The following ENTPD4 variants were observed in gnomAD, a reference collection of about 807,000 sequenced individuals.
ENTPD4 encodes the protein ectonucleoside triphosphate diphosphohydrolase 4.
Under a neutral mutation model 79.1 loss-of-function variants are expected in ENTPD4, and 60 were observed. That is an observed-to-expected ratio of 0.76 (90% CI 0.62 to 0.94). The LOEUF is 0.94. Ranked by LOEUF, ENTPD4 falls within the 40% of genes least tolerant of loss-of-function variation. ENTPD4 has a pLI of 0.00. For missense variants in ENTPD4, 772 were observed against 775.1 expected (o/e 1.00, Z 0.05); for synonymous variants, 276 against 292.0 (o/e 0.95, Z 0.56).
At position 23,430,777 on chromosome 8, in the gene ENTPD4, C is replaced by T; in HGVS notation, c.*2149G>A. The T allele has an allele frequency of 1.0e-6, 1 of 985,692 alleles. No homozygotes were observed. The highest frequency in any genetic ancestry group is 1.2e-6 in the Non-Finnish European group (1 of 830,148). The allele number at this position is 985,692 out of a possible 1,614,324, so 61.1% of individuals were successfully genotyped here. On this transcript the variant is annotated 3_prime_UTR_variant, in exon 13 of 13. Transcript: ENST00000358689. ...CACTTCAACCATTTGTGGCCCCTTCCTTTCCTTTCTTCCCTCTCTGCTGCT... is the reference window on the plus strand; with the variant it reads ...CACTTCAACCATTTGTGGCCCCTTCTTTTCCTTTCTTCCCTCTCTGCTGCT...
chr8:23,441,150 G>T (rs776555964), intron 8 of ENTPD4, among the ~76,000 whole-genome samples: 114 of 152,178 alleles, frequency 7.5e-4, no homozygotes, highest in Non-Finnish European at 1.5e-3. Context: ...AGATGTGGAA[G>T]CAGTGGATAC....
At position 23,432,390 on chromosome 8, in the gene ENTPD4, T is replaced by C; in HGVS notation, c.*536A>G. 1 of 985,720 alleles carries C rather than the reference T, an allele frequency of 1.0e-6. No homozygotes were observed. The highest frequency in any genetic ancestry group is 1.2e-6 in the Non-Finnish European group (1 of 830,186). 61.1% of individuals were successfully genotyped at this position (985,720 alleles called of 1,614,324 possible). ...AGAAATCTCATTTATTTTTGGCAGATATCCTGTGCAGCAAAAATCAAGTGA... is the reference window on the plus strand; with the variant it reads ...AGAAATCTCATTTATTTTTGGCAGACATCCTGTGCAGCAAAAATCAAGTGA... On this transcript the variant is annotated 3_prime_UTR_variant, in exon 13 of 13. Coordinates refer to ENST00000358689, the MANE Select transcript of ENTPD4 (RefSeq NM_004901.5).
At chr8:23,441,382 T>A in intron 8 of ENTPD4, 187 bp downstream of exon 8, 1 of 984,474 alleles carries the variant, frequency 1.0e-6, no homozygotes, top group Non-Finnish European at 1.2e-6. Context: ...CTGATTTCAA[T>A]GAACACACAC....
intron 6 of ENTPD4, among the ~76,000 whole-genome samples, 190 bp from the exon 7 acceptor site, chr8:23,442,256 G>A (rs1264456600): frequency 2.0e-5 from 3 of 151,864 alleles, no homozygotes; most frequent in Non-Finnish European, 4.4e-5. Flanking sequence ...CAACTTTAAT[G>A]TTTATAGTTT....
Position 23,433,025 on chromosome 8 carries a change from C to T in ENTPD4, c.1752G>A (p.Arg584=), listed in dbSNP as rs747293465. ...VLLAILLYLL[R]LRRIHRRTPR... ...GAGTGCGCCTGTGGATGCGCCGCAG[C>T]CGCAGCAGGTACAGCAGGATGGCCA... The change falls in exon 13 of 13, where the codon CGG becomes CGA. Residue 584 remains arginine, a synonymous_variant. Coordinates refer to ENST00000358689, the MANE Select transcript of ENTPD4 (RefSeq NM_004901.5). 119 of 1,613,978 alleles carry T rather than the reference C, an allele frequency of 7.4e-5. No homozygotes were observed. The highest frequency in any genetic ancestry group is 9.7e-5 in the Non-Finnish European group (115 of 1,180,012).
intron 9 of ENTPD4, 129 bp downstream of exon 9, chr8:23,439,620 G>A (rs118161787): frequency 7.3e-6 from 6 of 820,446 alleles, no homozygotes; most frequent in Non-Finnish European, 8.0e-6. Context: ...CTCAGCTAGT[G>A]GGGGAATAAA....
At chr8:23,454,682 CTT>C (rs1800925243) in intron 1 of ENTPD4, among the ~76,000 whole-genome samples, 1 of 151,794 alleles carries the variant, frequency 6.6e-6, no homozygotes, top group Non-Finnish European at 1.5e-5. Context: ...ACTTAGGAAA[CTT>C]TGTGTCATCT....
At chr8:23,443,034 T>C (rs1307881159) in intron 6 of ENTPD4, among the ~76,000 whole-genome samples, 3 of 152,144 alleles carry the variant, frequency 2.0e-5, no homozygotes, top group Non-Finnish European at 4.4e-5. Context: ...TCAAGTCCTT[T>C]CTTCTGCCTG....
intron 11 of ENTPD4, 30 bp from the exon 12 acceptor site, chr8:23,434,508 G>T (rs759376091): frequency 1.2e-6 from 2 of 1,611,778 alleles, no homozygotes; most frequent in African/African-American, 2.7e-5. Context: ...AGGCAAGTCA[G>T]ACTGACTCAC....
intron 1 of ENTPD4, among the ~76,000 whole-genome samples, chr8:23,450,579 T>G (rs1800841321): frequency 6.6e-6 from 1 of 152,232 alleles, no homozygotes; most frequent in African/African-American, 2.4e-5. Flanking sequence ...CAAAGCTGCT[T>G]GACCTCTCAA....
At chr8:23,447,134 A>G (rs1423302040) in intron 4 of ENTPD4, among the ~76,000 whole-genome samples, 2 of 152,236 alleles carry the variant, frequency 1.3e-5, no homozygotes, top group Non-Finnish European at 2.9e-5. Context: ...TTACCTAATA[A>G]GGAAGCCAAA....
At position 23,447,761 on chromosome 8, in the gene ENTPD4, T is replaced by C. The variant is rs753249672; in HGVS notation, c.331A>G (p.Asn111Asp). The change falls in exon 4 of 13, where the codon AAT becomes GAT. Residue 111 changes from asparagine (N) to aspartate (D), a missense_variant. Transcript: ENST00000358689. The part of the protein sequence containing the change: ...RVFVYCWPRH[N>D]GNPHDLLDIR... ...TCCAACAGATCATGTGGATTGCCATTATGCCTTGGCCAGCAGTAAACAAAT... is the reference window on the plus strand; with the variant it reads ...TCCAACAGATCATGTGGATTGCCATCATGCCTTGGCCAGCAGTAAACAAAT... The C allele has an allele frequency of 4.3e-6, 7 of 1,614,206 alleles. No individual in the cohort carries two copies. Among genetic ancestry groups the C allele is most frequent in the South Asian group, 2.2e-5 (2 of 91,082 alleles).
chr8:23,441,505 GAACGA>G, intron 8 of ENTPD4, 59 bp downstream of exon 8: 1 of 1,585,022 alleles, frequency 6.3e-7, no homozygotes, highest in Non-Finnish European at 8.6e-7. Context: ...AACAAAACAA[GAACGA>G]TGGACACACG....
Position 23,432,179 on chromosome 8 carries a change from T to C in ENTPD4, c.*747A>G. Reference sequence around the variant, plus strand: ...CCTGAACAATAAATAAAAAAAAAAATCACCCTCTTCAGGTTAGAGCTTTCA... The same window carrying C: ...CCTGAACAATAAATAAAAAAAAAAACCACCCTCTTCAGGTTAGAGCTTTCA... On this transcript the variant is annotated 3_prime_UTR_variant, in exon 13 of 13. Transcript: ENST00000358689. 1.0e-6 allele frequency: 1 copy of C among 975,528 alleles called. No homozygotes were observed. The highest frequency in any genetic ancestry group is 1.2e-6 in the Non-Finnish European group (1 of 821,674). The allele number at this position is 975,528 out of a possible 1,614,324, so 60.4% of individuals were successfully genotyped here. A position where few individuals can be genotyped will look rare whatever the true frequency, so the allele number is the denominator to read the frequency against.
rs1585397519 is a variant in ENTPD4 at position 23,431,044 on chromosome 8, G to C, written c.*1882C>G. The C allele has an allele frequency of 5.6e-6, 5 of 893,292 alleles. No individual in the cohort carries two copies. The South Asian group carries it at 2.6e-4, about 46-fold the overall frequency. The allele number at this position is 893,292 out of a possible 1,614,324, so 55.3% of individuals were successfully genotyped here. ...CAGGTGAGGGAGCCATGCCCCCACAGCTCTTGCCTCAAGGATCAGATGCAT... is the reference window on the plus strand; with the variant it reads ...CAGGTGAGGGAGCCATGCCCCCACACCTCTTGCCTCAAGGATCAGATGCAT... On this transcript the variant is annotated 3_prime_UTR_variant, in exon 13 of 13. Transcript: ENST00000358689.
chr8:23,455,305 G>A (rs1049923858), intron 1 of ENTPD4, among the ~76,000 whole-genome samples: 4 of 152,328 alleles, frequency 2.6e-5, no homozygotes, highest in African/African-American at 9.6e-5. Flanking sequence ...ATAAGCAAAG[G>A]TACCACAGGG....
chr8:23,434,251 GC>G, intron 12 of ENTPD4, 65 bp downstream of exon 12: 1 of 1,579,822 alleles, frequency 6.3e-7, no homozygotes, highest in Non-Finnish European at 8.7e-7. Flanking sequence ...GACCACAGCT[GC>G]CATGAGGTGC....
Position 23,436,876 on chromosome 8 carries a change from C to T in ENTPD4, c.1374+58G>A, listed in dbSNP as rs571211185. On this transcript the variant is annotated intron_variant, in intron 10 of 12. Coordinates refer to ENST00000358689, the MANE Select transcript of ENTPD4 (RefSeq NM_004901.5). ...AATGTGAAAGGAGGACATAACCCGT[C>T]ACCGTCCACACTGGTCTCTCAAAAG... is the stretch of plus-strand genomic sequence containing the variant. The T allele has an allele frequency of 3.0e-6, 4 of 1,328,528 alleles. No homozygotes were observed. The African/African-American group carries it at 5.9e-5, about 19-fold the overall frequency. 82.3% of individuals were successfully genotyped at this position (1,328,528 alleles called of 1,614,324 possible). A position where few individuals can be genotyped will look rare whatever the true frequency, so the allele number is the denominator to read the frequency against.
Position 23,447,992 on chromosome 8 carries a change from C to T in ENTPD4, c.207-107G>A, listed in dbSNP as rs753369908. 6 of 813,756 alleles carry T rather than the reference C, an allele frequency of 7.4e-6. No homozygotes were observed. In the East Asian group the frequency reaches 9.8e-5, roughly 13 times the overall value. 50.4% of individuals were successfully genotyped at this position (813,756 alleles called of 1,614,324 possible). Reference sequence around the variant, plus strand: ...AGTCAGTAATTTCTAAGCTATGTAGCAGCACCACTATAACATCAATACAAC... The same window carrying T: ...AGTCAGTAATTTCTAAGCTATGTAGTAGCACCACTATAACATCAATACAAC... On this transcript the variant is annotated intron_variant, in intron 3 of 12. Transcript: ENST00000358689.
Sources: allele counts gnomAD v4.1 joint callset (sites outside exome capture counted in the v4.1 genomes callset), GRCh38; gene constraint gnomAD v4.1.1; transcripts MANE v1.5; gene names NCBI Gene and HGNC (gene_info 2026-07-23, HGNC 2026-07-21).